The following UGT1A9 variants were observed in gnomAD, a reference collection of about 807,000 sequenced individuals.
UGT1A9 encodes UDP glucuronosyltransferase family 1 member A9, also known as UDP-glucuronosyltransferase 1A9.
A neutral mutation model predicts 45.0 loss-of-function variants in UGT1A9; 35 were observed. That is an observed-to-expected ratio of 0.78 (90% confidence interval 0.59 to 1.03). The LOEUF (loss-of-function observed/expected upper bound fraction) is 1.03, where lower values mean the gene tolerates loss of function less well. UGT1A9 is among the 50% of genes least tolerant of loss of function. The probability of loss-of-function intolerance (pLI) is 0.00; values close to 1 mark genes in which losing one functional copy is unlikely to be tolerated. For synonymous variants in UGT1A9, 278 were observed against 250.6 expected (o/e 1.11, Z -1.03); for missense variants, 687 against 666.6 (o/e 1.03, Z -0.34).
chr2:233,757,560 ATG>A lies in UGT1A9; in HGVS notation c.856-9472_856-9471del, dbSNP rs199649558. The stretch of plus-strand genomic sequence containing the variant: ...AATATATATATATATATATATATAT[ATG>A]TATATATGATATAGCTATAGTCTAA... On this transcript the variant is annotated intron_variant, in intron 1 of 4. Transcript: ENST00000354728. 4.4e-3 allele frequency among the ~76,000 whole-genome samples: 540 copies of A among 123,120 alleles called. 38 individuals are homozygous for A. Among genetic ancestry groups the A allele is most frequent in the African/African-American group, 0.017 (503 of 29,340 alleles). 80.8% of individuals were successfully genotyped at this position (123,120 alleles called of 152,430 possible). A position where few individuals can be genotyped will look rare whatever the true frequency, so the allele number is the denominator to read the frequency against.
intron 1 of UGT1A9, chr2:233,760,103 T>C: frequency 1.7e-6 from 2 of 1,163,022 alleles, no homozygotes; most frequent in Non-Finnish European, 2.3e-6. Context: ...TGTTGCCTAT[T>C]AAGAAACCTA....
At chr2:233,712,747 C>T (rs1276228236) in intron 1 of UGT1A9, among the ~76,000 whole-genome samples, 3 of 152,002 alleles carry the variant, frequency 2.0e-5, no homozygotes, top group African/African-American at 7.3e-5. Context: ...TTGGATGTTC[C>T]CCAGAGCGAG....
intron 1 of UGT1A9, among the ~76,000 whole-genome samples, chr2:233,709,579 A>G (rs936977036): frequency 6.6e-6 from 1 of 152,240 alleles, no homozygotes; most frequent in African/African-American, 2.4e-5. Flanking sequence ...AATTCAAAAA[A>G]TATACCAGGA....
intron 1 of UGT1A9, among the ~76,000 whole-genome samples, chr2:233,728,059 C>T (rs2077678124): frequency 1.3e-5 from 2 of 152,228 alleles, no homozygotes; most frequent in South Asian, 2.1e-4. Context: ...GGCTTGAGGC[C>T]CTTGTGAGTG....
At chr2:233,704,428 G>A (rs1028112789) in intron 1 of UGT1A9, among the ~76,000 whole-genome samples, 1 of 151,928 alleles carries the variant, frequency 6.6e-6, no homozygotes, top group African/African-American at 2.4e-5. Context: ...CTTAATTCCA[G>A]TTAAATATTG....
At chr2:233,715,608 C>T (rs944774331) in intron 1 of UGT1A9, among the ~76,000 whole-genome samples, 2 of 151,816 alleles carry the variant, frequency 1.3e-5, no homozygotes, top group Non-Finnish European at 2.9e-5. Flanking sequence ...TCCATCTCTA[C>T]AAAAAATTAA....
At chr2:233,689,819 C>T in intron 1 of UGT1A9, 1 of 449,700 alleles carries the variant, frequency 2.2e-6, no homozygotes, top group Admixed American at 2.4e-5. Flanking sequence ...AACCAAACAT[C>T]TCTGGACTCT....
intron 1 of UGT1A9, among the ~76,000 whole-genome samples, chr2:233,748,667 G>T (rs899453782): frequency 7.9e-5 from 12 of 151,802 alleles, no homozygotes; most frequent in Middle Eastern, 3.4e-3. Flanking sequence ...TTTCCAGAGA[G>T]GGATCTGTGC....
At chr2:233,713,352 T>C in intron 1 of UGT1A9, 2 of 1,614,192 alleles carry the variant, frequency 1.2e-6, no homozygotes, top group Non-Finnish European at 1.7e-6. Context: ...GAACAATATG[T>C]CTTTGATCAT....
chr2:233,747,780 C>A, intron 1 of UGT1A9: 1 of 1,613,502 alleles, frequency 6.2e-7, no homozygotes, highest in South Asian at 1.1e-5. Flanking sequence ...GTGTCCAAAT[C>A]CTTCCTCCTA....
intron 1 of UGT1A9, chr2:233,721,927 A>G: frequency 2.6e-6 from 1 of 391,754 alleles, no homozygotes. Context: ...ATAAAGTGAC[A>G]TCCTTCAGAC....
rs752305202 is a variant in UGT1A9, at chr2:233,769,534, G to A, written c.1295+1095G>A. ...CTCCCATGGTTACCTCCTTTAGAAA[G>A]AAGCAGCAGTCAGGAAGACAGATGT... On this transcript the variant is annotated intron_variant, in intron 4 of 4. Transcript: ENST00000354728. This position sits in a 1 kb window ranked among gnomAD's most constrained non-coding sequence, Gnocchi z 4.4. 1.9e-6 allele frequency: 3 copies of A among 1,612,926 alleles called. No homozygotes were observed. Among genetic ancestry groups the A allele is most frequent in the Non-Finnish European group, 2.5e-6 (3 of 1,179,884 alleles).
chr2:233,760,048 C>T (rs189369417), intron 1 of UGT1A9, among the ~76,000 whole-genome samples: 1 of 152,292 alleles, frequency 6.6e-6, no homozygotes, highest in East Asian at 1.9e-4. Flanking sequence ...GCTGTGTTCA[C>T]TCAAGAATGT....
chr2:233,751,147 C>A (rs1013062479), intron 1 of UGT1A9, among the ~76,000 whole-genome samples: 1 of 151,976 alleles, frequency 6.6e-6, no homozygotes, highest in African/African-American at 2.4e-5. Context: ...TGGGAGCCCA[C>A]TTCTGGCATC....
At chr2:233,674,830 T>C (rs1414701577) in intron 1 of UGT1A9, among the ~76,000 whole-genome samples, 5 of 152,152 alleles carry the variant, frequency 3.3e-5, no homozygotes, top group Non-Finnish European at 1.5e-5. Context: ...CAAAGAGCCT[T>C]GGATATGGCC....
At chr2:233,691,182 A>G (rs2125547738) in intron 1 of UGT1A9, 3 of 985,712 alleles carry the variant, frequency 3.0e-6, no homozygotes, top group South Asian at 9.4e-5. Flanking sequence ...TGCCTGCTCA[A>G]GAAGGTGGAC....
chr2:233,726,380 C>G (rs534421761), intron 1 of UGT1A9, among the ~76,000 whole-genome samples: 22 of 152,296 alleles, frequency 1.4e-4, no homozygotes, highest in African/African-American at 4.1e-4. Flanking sequence ...ACCAAAATTG[C>G]TTCCATCTCA....
intron 1 of UGT1A9, among the ~76,000 whole-genome samples, chr2:233,724,347 C>T (rs1207944594): frequency 5.4e-5 from 8 of 147,950 alleles, no homozygotes; most frequent in East Asian, 2.1e-4. Flanking sequence ...CTGACCCCCC[C>T]CACCTCCCTC....
chr2:233,693,461 T>C (rs557551651), intron 1 of UGT1A9: 33 of 1,614,158 alleles, frequency 2.0e-5, no homozygotes, highest in South Asian at 7.7e-5. Context: ...AGACCCAGCC[T>C]TACCCTGTGG....
Sources: allele counts gnomAD v4.1 joint callset (sites outside exome capture counted in the v4.1 genomes callset), GRCh38; gene constraint gnomAD v4.1.1; non-coding constraint Gnocchi (gnomAD v3.1); transcripts MANE v1.5; gene names NCBI Gene and HGNC (gene_info 2026-07-23, HGNC 2026-07-21).